PIK3C3: variants seen among roughly 807,000 people sequenced by gnomAD.
The protein encoded by PIK3C3 is phosphatidylinositol 3-kinase catalytic subunit type 3, also known as PI3-kinase type 3.
PIK3C3 carries 95 observed loss-of-function variants against 126.1 expected under a neutral mutation model. The ratio of observed to expected loss-of-function variants is 0.75; its 90% confidence interval spans 0.64 to 0.89. The LOEUF is 0.89. PIK3C3 is among the 40% of genes least tolerant of loss of function. The pLI is 0.00. For missense variants in PIK3C3, 829 were observed against 1,063.2 expected, an observed-to-expected ratio of 0.78 and a Z score of 3.06; for synonymous variants, 374 against 360.0, an observed-to-expected ratio of 1.04 and a Z score of -0.44.
intron 11 of PIK3C3, 121 bp from the exon 12 acceptor site, chr18:42,015,355 C>A: frequency 2.8e-6 from 2 of 716,096 alleles, no homozygotes; most frequent in Non-Finnish European, 2.4e-6. Context: ...GCACAGAACA[C>A]ACTTTAGGAA....
chr18:42,055,244 A>C (rs755870994), intron 21 of PIK3C3, among the ~76,000 whole-genome samples: 2 of 152,118 alleles, frequency 1.3e-5, no homozygotes, highest in Non-Finnish European at 2.9e-5. Flanking sequence ...CTACTATGTG[A>C]TCTCAGCACA....
intron 17 of PIK3C3, 45 bp from the exon 18 acceptor site, chr18:42,038,730 CTTTTAA>C: frequency 1.7e-6 from 2 of 1,154,716 alleles, no homozygotes; most frequent in Non-Finnish European, 2.6e-6. Flanking sequence ...ACAAAACTGT[CTTTTAA>C]CAGTCTTTAC....
chr18:42,080,349 TACATGTAC>T (rs1986204428), intron 24 of PIK3C3, among the ~76,000 whole-genome samples: 1 of 152,196 alleles, frequency 6.6e-6, no homozygotes, highest in Admixed American at 6.5e-5. Context: ...TTCACATTTG[TACATGTAC>T]ACATGCATGT....
intron 5 of PIK3C3, among the ~76,000 whole-genome samples, chr18:41,989,276 G>A (rs1289493158): frequency 6.6e-6 from 1 of 151,926 alleles, no homozygotes; most frequent in Non-Finnish European, 1.5e-5. Flanking sequence ...TGGCTATATT[G>A]CCCAGGATAG....
chr18:41,973,110 T>G (rs945087749), intron 4 of PIK3C3, among the ~76,000 whole-genome samples: 2 of 152,106 alleles, frequency 1.3e-5, no homozygotes, highest in African/African-American at 4.8e-5. Context: ...TAGGAAATAA[T>G]TGGGATTATC....
chr18:42,007,393 A>T (rs969249763), intron 10 of PIK3C3, among the ~76,000 whole-genome samples: 2 of 151,580 alleles, frequency 1.3e-5, no homozygotes, highest in Non-Finnish European at 2.9e-5. Flanking sequence ...TGTTCTTTCC[A>T]TGAATTTTAG....
At chr18:42,049,988 A>AG (rs1168282645) in intron 21 of PIK3C3, 8 of 153,442 alleles carry the variant, frequency 5.2e-5, no homozygotes, top group African/African-American at 1.9e-4. Context: ...AAAAAAAAAA[A>AG]AAAAGATGAG....
rs1424859066 is a variant in PIK3C3 at position 42,049,612 on chromosome 18, A to G, written c.2263+7A>G. The stretch of plus-strand genomic sequence containing the variant: ...CTTTTGCTAACAAAAACAGGTAACA[A>G]TTAATGACTACCAGTAGACATACAT... On this transcript the variant is annotated splice_region_variant and intron_variant, in intron 21 of 24. Coordinates refer to ENST00000262039, the MANE Select transcript of PIK3C3 (RefSeq NM_002647.4). 5.7e-6 allele frequency: 9 copies of G among 1,588,588 alleles called. No homozygotes were observed. The highest frequency in any genetic ancestry group is 2.2e-5 in the South Asian group (2 of 90,456).
intron 19 of PIK3C3, among the ~76,000 whole-genome samples, chr18:42,043,340 C>G (rs1300321573): frequency 2.0e-5 from 3 of 152,126 alleles, no homozygotes; most frequent in African/African-American, 4.8e-5. Context: ...ATCTGCCCAC[C>G]TCGGCCTCCC....
chr18:42,066,170 A>G (rs183272396), intron 23 of PIK3C3, among the ~76,000 whole-genome samples: 439 of 152,262 alleles, frequency 2.9e-3, no homozygotes, highest in Middle Eastern at 3.4e-3. Context: ...ACAGCCTTAG[A>G]TGTTCCTCCA....
rs1451365342 is a variant in PIK3C3 at position 42,083,308 on chromosome 18, TATTTC to T, written c.*2173_*2177del. 1.3e-5 allele frequency: 2 copies of T among 152,212 alleles called. No individual in the cohort carries two copies. Among genetic ancestry groups the T allele is most frequent in the African/African-American group, 2.4e-5 (1 of 41,450 alleles). The allele number at this position is 152,212 out of a possible 1,614,324, so 9.4% of individuals were successfully genotyped here. Reference sequence around the variant, plus strand: ...ACTTCTTTGGTGACAAGTTCAGTGATATTTCAAGCATGATGTTTTGAGTTTGAGAA... The same window carrying T: ...ACTTCTTTGGTGACAAGTTCAGTGATAAGCATGATGTTTTGAGTTTGAGAA... On this transcript the variant is annotated 3_prime_UTR_variant, in exon 25 of 25. Transcript: ENST00000262039.
At chr18:42,028,831 G>C (rs1172252370) in intron 14 of PIK3C3, among the ~76,000 whole-genome samples, 1 of 152,334 alleles carries the variant, frequency 6.6e-6, no homozygotes, top group South Asian at 2.1e-4. Context: ...ACATAGGACC[G>C]TATAGCATTT....
rs574609291 is a variant in PIK3C3 at position 41,974,991 on chromosome 18, G to T, written c.531+4535G>T. 2.6e-5 allele frequency among the ~76,000 whole-genome samples: 4 copies of T among 152,250 alleles called. No individual in the cohort carries two copies. In the East Asian group the frequency reaches 7.7e-4, roughly 29 times the overall value. On this transcript the variant is annotated intron_variant, in intron 4 of 24. Coordinates refer to ENST00000262039, the MANE Select transcript of PIK3C3 (RefSeq NM_002647.4). The stretch of plus-strand genomic sequence containing the variant: ...TTTCTGTCAGTTTGATTAAGAGGAG[G>T]CAAAGAGAAAGTAACAACTAGATGA...
intron 12 of PIK3C3, among the ~76,000 whole-genome samples, chr18:42,018,695 C>G (rs992273136): frequency 6.6e-6 from 1 of 152,106 alleles, no homozygotes; most frequent in African/African-American, 2.4e-5. Context: ...CCTACTCTTT[C>G]ATTATTCATC....
chr18:41,986,539 A>G (rs1365740778), intron 4 of PIK3C3, among the ~76,000 whole-genome samples: 6 of 152,066 alleles, frequency 3.9e-5, no homozygotes, highest in Non-Finnish European at 5.9e-5. Context: ...CAGAAAGGAC[A>G]TAGTTTGAAA....
chr18:42,013,113 CTTTT>C (rs67564071), intron 10 of PIK3C3, among the ~76,000 whole-genome samples: 44 of 136,798 alleles, frequency 3.2e-4, no homozygotes, highest in South Asian at 4.5e-4. Context: ...ATCCTTCCCA[CTTTT>C]TTTTTTTTTT....
In PIK3C3 at chr18:42,033,970, G is replaced by A; in HGVS notation, c.1839+13G>A. On this transcript the variant is annotated intron_variant, in intron 16 of 24. Coordinates refer to ENST00000262039, the MANE Select transcript of PIK3C3 (RefSeq NM_002647.4). ...TACACTGTTTAAAGTAATTGTGATG[G>A]ATATTTAATGTGTATGATTGGAACC... is the stretch of plus-strand genomic sequence containing the variant. 6.4e-7 allele frequency: 1 copy of A among 1,559,436 alleles called. No individual in the cohort carries two copies.
At chr18:41,961,657 T>A (rs1980092628) in intron 2 of PIK3C3, among the ~76,000 whole-genome samples, 1 of 152,188 alleles carries the variant, frequency 6.6e-6, no homozygotes, top group Non-Finnish European at 1.5e-5. Context: ...AGAAATAGAA[T>A]TCTATGTGTC....
At position 42,040,758 on chromosome 18, in the gene PIK3C3, G is replaced by C. The variant is rs199908376; in HGVS notation, c.2103+17G>C. 577 of 1,513,596 alleles carry C rather than the reference G, an allele frequency of 3.8e-4. 3 individuals are homozygous for C. In the African/African-American group the frequency reaches 6.5e-3, roughly 17 times the overall value. The allele number at this position is 1,513,596 out of a possible 1,614,324, so 93.8% of individuals were successfully genotyped here. A position where few individuals can be genotyped will look rare whatever the true frequency, so the allele number is the denominator to read the frequency against. On this transcript the variant is annotated intron_variant, in intron 19 of 24. Coordinates refer to ENST00000262039, the MANE Select transcript of PIK3C3 (RefSeq NM_002647.4). ...AGCATTCAGGTATGGTATCAATAAA[G>C]ATTATGCAATTCATGAATATATTCT...
Sources: allele counts gnomAD v4.1 joint callset (sites outside exome capture counted in the v4.1 genomes callset), GRCh38; gene constraint gnomAD v4.1.1; transcripts MANE v1.5; gene names NCBI Gene and HGNC (gene_info 2026-07-23, HGNC 2026-07-21).